Variants in CSTPP1 observed in about 807,000 individuals in gnomAD.
CSTPP1 encodes the protein UPF0705 protein C11orf49.
chr11:47,132,230 T>C, the CSTPP1 span, among the ~76,000 whole-genome samples: 3 of 152,222 alleles, frequency 2.0e-5, no homozygotes, highest in East Asian at 1.9e-4. Flanking sequence ...CCCCTATCTT[T>C]GTGTTCACAC....
chr11:47,028,342 C>G, the CSTPP1 span, among the ~76,000 whole-genome samples: 1 of 152,182 alleles, frequency 6.6e-6, no homozygotes, highest in African/African-American at 2.4e-5. Context: ...CCGAATACAT[C>G]ATATGTTAAA....
the CSTPP1 span, among the ~76,000 whole-genome samples, chr11:47,004,186 G>GT: frequency 8.1e-3 from 1,107 of 136,150 alleles, 11 homozygotes; most frequent in African/African-American, 0.013. Flanking sequence ...TTTTGTTTTT[G>GT]TTTTTTTTTT....
chr11:47,089,486 C>T, the CSTPP1 span, among the ~76,000 whole-genome samples: 1 of 152,124 alleles, frequency 6.6e-6, no homozygotes, highest in African/African-American at 2.4e-5. Flanking sequence ...AATGTCACAC[C>T]TTAAACTTGT....
At chr11:47,116,185 T>G in the CSTPP1 span, among the ~76,000 whole-genome samples, 1 of 152,188 alleles carries the variant, frequency 6.6e-6, no homozygotes. Flanking sequence ...GAGAGACAGT[T>G]TGTTGTGATT....
the CSTPP1 span, among the ~76,000 whole-genome samples, chr11:47,115,931 T>TCC: frequency 6.6e-6 from 1 of 152,236 alleles, no homozygotes; most frequent in African/African-American, 2.4e-5. Context: ...TTTAGATCTT[T>TCC]CCTGCTTTCT....
At chr11:46,965,842 A>G in the CSTPP1 span, among the ~76,000 whole-genome samples, 7 of 152,224 alleles carry the variant, frequency 4.6e-5, no homozygotes, top group Admixed American at 1.3e-4. Flanking sequence ...ATCTAAAACT[A>G]CATCAGTGAA....
chr11:47,159,467 G>A, the CSTPP1 span, among the ~76,000 whole-genome samples: 11 of 151,200 alleles, frequency 7.3e-5, no homozygotes, highest in Non-Finnish European at 4.4e-5. Flanking sequence ...CCGAGATCAC[G>A]CCATTGCACG....
the CSTPP1 span, among the ~76,000 whole-genome samples, chr11:47,114,430 A>C: frequency 6.6e-6 from 1 of 152,166 alleles, no homozygotes; most frequent in African/African-American, 2.4e-5. Context: ...TCTACAAATT[A>C]CTTTGGGCAG....
the CSTPP1 span, among the ~76,000 whole-genome samples, chr11:47,111,139 G>T: frequency 6.6e-6 from 1 of 151,936 alleles, no homozygotes; most frequent in Non-Finnish European, 1.5e-5. Context: ...TGATCTGTCC[G>T]CCTCGGCCTG....
At chr11:47,077,196 G>T in the CSTPP1 span, among the ~76,000 whole-genome samples, 408 of 135,556 alleles carry the variant, frequency 3.0e-3, 2 homozygotes, top group African/African-American at 9.8e-3. Context: ...GGATAAAGTT[G>T]TTTTTTTTTT....
the CSTPP1 span, among the ~76,000 whole-genome samples, chr11:47,005,958 A>T: frequency 6.6e-6 from 1 of 152,152 alleles, no homozygotes; most frequent in African/African-American, 2.4e-5. Context: ...GATACTAGGG[A>T]TATAGCAGTG....
the CSTPP1 span, chr11:47,157,662 G>T: frequency 1.6e-6 from 1 of 637,964 alleles, no homozygotes; most frequent in Non-Finnish European, 2.8e-6. Context: ...AGCCCCTCCT[G>T]ACCATAGTGA....
chr11:46,999,907 A>T, the CSTPP1 span, among the ~76,000 whole-genome samples: 2 of 152,188 alleles, frequency 1.3e-5, no homozygotes, highest in Admixed American at 6.5e-5. Flanking sequence ...GTGTTTTCAA[A>T]CAAGTCCATG....
chr11:47,014,628 C>T, the CSTPP1 span, among the ~76,000 whole-genome samples: 6 of 151,642 alleles, frequency 4.0e-5, no homozygotes, highest in Admixed American at 3.9e-4. Flanking sequence ...ACACTTGGAC[C>T]CGGGAGGCAG....
At chr11:47,144,263 G>A in the CSTPP1 span, among the ~76,000 whole-genome samples, 8 of 151,816 alleles carry the variant, frequency 5.3e-5, no homozygotes, top group South Asian at 2.1e-4. Context: ...ATCTTAGCTC[G>A]CTGCAACCTC....
chr11:47,098,740 G>T, the CSTPP1 span, among the ~76,000 whole-genome samples: 3 of 152,066 alleles, frequency 2.0e-5, no homozygotes, highest in African/African-American at 7.3e-5. Flanking sequence ...GACCTCAGGT[G>T]CTCTGCCCGC....
chr11:46,948,609 T>C, the CSTPP1 span, among the ~76,000 whole-genome samples: 1 of 152,186 alleles, frequency 6.6e-6, no homozygotes, highest in Admixed American at 6.5e-5. Context: ...AGAAGAAATG[T>C]ACTCTTCCCC....
chr11:47,125,988 T>A, the CSTPP1 span, among the ~76,000 whole-genome samples: 1 of 149,950 alleles, frequency 6.7e-6, no homozygotes, highest in Non-Finnish European at 1.5e-5. Context: ...CTGTATTCCA[T>A]CCCGGGTGAC....
the CSTPP1 span, among the ~76,000 whole-genome samples, chr11:47,122,091 A>AAAATATAT: frequency 0.011 from 361 of 31,754 alleles, 13 homozygotes; most frequent in Non-Finnish European, 0.018. Context: ...AAAAAAAAAA[A>AAAATATAT]ATATATATAT....
Sources: gnomAD v4.1 joint callset for allele counts (sites outside exome capture counted in the v4.1 genomes callset) on GRCh38, gnomAD v4.1.1 for gene constraint, MANE v1.5 for transcripts, NCBI Gene and HGNC (gene_info 2026-07-23, HGNC 2026-07-21) for gene names.